The following CR1 variants were observed in gnomAD, a reference collection of about 807,000 sequenced individuals.
The protein encoded by CR1 is complement receptor type 1.
In CR1, 116 loss-of-function variants were observed where a neutral mutation model predicts 187.3. The ratio of observed to expected loss-of-function variants is 0.62; its 90% CI spans 0.53 to 0.72. The LOEUF (loss-of-function observed/expected upper bound fraction) is 0.72. Ranked by LOEUF, CR1 falls within the 30% of genes least tolerant of loss-of-function variation. CR1 has a pLI of 0.00. For missense variants in CR1, 1,731 were observed against 2,110.7 expected (o/e 0.82, Z 3.52); for synonymous variants, 576 against 747.1 (o/e 0.77, Z 3.73).
At chr1:207,507,766 T>C (rs1659488477) in intron 3 of CR1, among the ~76,000 whole-genome samples, 2 of 152,176 alleles carry the variant, frequency 1.3e-5, no homozygotes, top group Admixed American at 6.5e-5. Context: ...GCAGTTATCC[T>C]TCTTGGCATT....
intron 33 of CR1, among the ~76,000 whole-genome samples, chr1:207,586,563 C>T (rs539855564): frequency 2.6e-5 from 4 of 152,320 alleles, no homozygotes; most frequent in African/African-American, 9.6e-5. Context: ...TATTATTTCA[C>T]AGTTTTGTAG....
intron 42 of CR1, among the ~76,000 whole-genome samples, chr1:207,619,051 A>AAAAAAAG (rs1553301635): frequency 9.9e-5 from 5 of 50,360 alleles, no homozygotes; most frequent in African/African-American, 1.8e-4. Flanking sequence ...AAAAAAAAAA[A>AAAAAAAG]AAAAGAAAAG....
intron 33 of CR1, among the ~76,000 whole-genome samples, chr1:207,585,704 A>T (rs950793957): frequency 2.6e-5 from 4 of 152,132 alleles, no homozygotes; most frequent in Admixed American, 1.3e-4. Flanking sequence ...TTTGACCTTT[A>T]CTCTCCAACT....
intron 31 of CR1, 108 bp from the exon 32 acceptor site, chr1:207,581,810 A>C (rs531687783): frequency 2.8e-6 from 2 of 722,564 alleles, no homozygotes; most frequent in South Asian, 1.7e-5. Context: ...TAGCTTGAGC[A>C]GTAAAATGTT....
chr1:207,519,622 A>G (rs1209094702), intron 4 of CR1, among the ~76,000 whole-genome samples: 1 of 152,196 alleles, frequency 6.6e-6, no homozygotes, highest in Non-Finnish European at 1.5e-5. Flanking sequence ...TTGTTGCCAT[A>G]CGTTTTGCAA....
At chr1:207,619,376 CAAAA>C (rs67078800) in intron 42 of CR1, among the ~76,000 whole-genome samples, 3 of 92,640 alleles carry the variant, frequency 3.2e-5, no homozygotes, top group Admixed American at 1.1e-4. Context: ...CAGTGAGACT[CAAAA>C]AAAAAAAAAA....
At chr1:207,621,855 A>C in intron 43 of CR1, 118 bp from the exon 44 acceptor site, 1 of 700,228 alleles carries the variant, frequency 1.4e-6, no homozygotes, top group Non-Finnish European at 2.2e-6. Flanking sequence ...TTTGCATTAG[A>C]AAAAATATTA....
chr1:207,587,620 C>T (rs189777507), intron 34 of CR1, 55 bp downstream of exon 34: 17 of 1,539,880 alleles, frequency 1.1e-5, no homozygotes, highest in African/African-American at 2.7e-5. Flanking sequence ...TAGGTGGGAC[C>T]GGGCTTGGTG....
chr1:207,606,343 A>G (rs1218039444), intron 35 of CR1: 2 of 152,234 alleles, frequency 1.3e-5, no homozygotes, highest in Non-Finnish European at 2.9e-5. Context: ...CCTTTATTGC[A>G]GGTGGCCAAT....
At chr1:207,631,387 G>A (rs1662641452) in intron 46 of CR1, among the ~76,000 whole-genome samples, 1 of 152,132 alleles carries the variant, frequency 6.6e-6, no homozygotes, top group African/African-American at 2.4e-5. Context: ...TTTGTCTACT[G>A]TCTCTGGCTC....
At chr1:207,577,697 A>G (rs1660796084) in intron 28 of CR1, 108 bp from the exon 29 acceptor site, 1 of 1,520,120 alleles carries the variant, frequency 6.6e-7, no homozygotes, top group East Asian at 2.4e-5. Context: ...TTGACCTGGG[A>G]AGTAGAGGTT....
chr1:207,623,211 T>G (rs1217826481), intron 45 of CR1, 143 bp downstream of exon 45: 2 of 611,534 alleles, frequency 3.3e-6, no homozygotes, highest in East Asian at 5.6e-5. Flanking sequence ...ACACACAGTA[T>G]AGACAAAGAG....
At chr1:207,603,402 C>T (rs960348942) in intron 35 of CR1, among the ~76,000 whole-genome samples, 3 of 151,820 alleles carry the variant, frequency 2.0e-5, no homozygotes, top group Admixed American at 6.6e-5. Context: ...TGATGTCCCA[C>T]GTCTGTAAAA....
rs1330653516 is a variant in CR1 at position 207,577,853 on chromosome 1, G to A, written c.4586G>A (p.Ser1529Asn). The change falls in exon 29 of 47, where the codon AGC becomes AAC. Residue 1529 changes from serine to asparagine, a missense_variant. By Grantham distance (46) the Ser-to-Asn change is conservative. Around this residue, in one of 5 missense-constraint regions of CR1, gnomAD observed 1,312 missense variants for 1,379.6 expected, o/e 0.95. Transcript: ENST00000367049. ...ACCATCGCCAATGGAGATTTCATTA[G>A]CACCAACAGAGAGAATTTTCACTAT... ...PPTIANGDFISTNRENFHYGS... is the reference protein window; with the variant it reads ...PPTIANGDFINTNRENFHYGS... 3 of 1,613,772 alleles carry A rather than the reference G, an allele frequency of 1.9e-6. No homozygotes were observed. Among genetic ancestry groups the A allele is most frequent in the Non-Finnish European group, 2.5e-6 (3 of 1,179,872 alleles).
chr1:207,633,474 T>C (rs1452644370), intron 46 of CR1, among the ~76,000 whole-genome samples: 1 of 152,194 alleles, frequency 6.6e-6, no homozygotes, highest in Non-Finnish European at 1.5e-5. Flanking sequence ...ATTTCTCCCA[T>C]CATTATAACA....
In CR1 at chr1:207,639,570, T is replaced by G; in HGVS notation, c.*161T>G. The G allele has an allele frequency of 1.9e-4, 114 of 595,450 alleles. No individual in the cohort carries two copies. The highest frequency in any genetic ancestry group is 2.6e-4 in the Non-Finnish European group (88 of 338,602). The allele number at this position is 595,450 out of a possible 1,614,324, so 36.9% of individuals were successfully genotyped here. A position where few individuals can be genotyped will look rare whatever the true frequency, so the allele number is the denominator to read the frequency against. On this transcript the variant is annotated 3_prime_UTR_variant, in exon 47 of 47. Coordinates refer to ENST00000367049, the MANE Select transcript of CR1 (RefSeq NM_000651.6). ...AAGATGCTGCCCCTTCCCTGGTACCTAGCAAAGCTCCTGCCTCTTTGTGTG... is the reference window on the plus strand; with the variant it reads ...AAGATGCTGCCCCTTCCCTGGTACCGAGCAAAGCTCCTGCCTCTTTGTGTG...
intron 45 of CR1, among the ~76,000 whole-genome samples, chr1:207,625,761 T>A (rs1346467832): frequency 6.6e-6 from 1 of 152,056 alleles, no homozygotes. Flanking sequence ...CACCTCTGGT[T>A]GGGGGCCACA....
chr1:207,580,700 CT>C, intron 31 of CR1, 87 bp downstream of exon 31: 1 of 1,228,026 alleles, frequency 8.1e-7, no homozygotes, highest in Non-Finnish European at 1.2e-6. Context: ...GAGGGCTGAC[CT>C]AGGAGAAGAA....
chr1:207,500,742 C>A (rs1056918542), intron 1 of CR1, among the ~76,000 whole-genome samples: 5 of 152,308 alleles, frequency 3.3e-5, no homozygotes, highest in African/African-American at 1.2e-4. Context: ...CTTAGACACA[C>A]ACTCAACATT....
Sources: gnomAD v4.1 joint callset for allele counts (sites outside exome capture counted in the v4.1 genomes callset) on GRCh38, gnomAD v4.1.1 for gene constraint, gnomAD v4.1.1 regional missense constraint, MANE v1.5 for transcripts, NCBI Gene and HGNC (gene_info 2026-07-23, HGNC 2026-07-21) for gene names.